Variants in ATP13A3 observed in about 807,000 individuals in gnomAD.
The protein encoded by ATP13A3 is polyamine-transporting ATPase 13A3.
ATP13A3 carries 59 observed loss-of-function variants against 158.1 expected under a neutral mutation model. The ratio of observed to expected loss-of-function variants is 0.37; its 90% CI spans 0.30 to 0.46. The LOEUF (loss-of-function observed/expected upper bound fraction) is 0.46, where lower values mean the gene tolerates loss of function less well. Ranked by LOEUF, ATP13A3 falls within the 20% of genes least tolerant of loss-of-function variation. The pLI is 1.00. For missense variants in ATP13A3, 1,166 were observed against 1,525.2 expected, an observed-to-expected ratio of 0.76 and a Z score of 3.92; for synonymous variants, 491 against 504.3, an observed-to-expected ratio of 0.97 and a Z score of 0.35.
intron 31 of ATP13A3, 68 bp downstream of exon 31, chr3:194,419,811 T>A: frequency 6.6e-7 from 1 of 1,515,482 alleles, no homozygotes; most frequent in Non-Finnish European, 8.7e-7. Flanking sequence ...AAAGAAGAGA[T>A]CCTGGAAAAA....
At chr3:194,444,168 G>C (rs533801328) in intron 15 of ATP13A3, among the ~76,000 whole-genome samples, 1 of 152,186 alleles carries the variant, frequency 6.6e-6, no homozygotes, top group East Asian at 1.9e-4. Context: ...CCATTTACAG[G>C]GATCTAGCTT....
chr3:194,455,196 A>T (rs1228722619), intron 8 of ATP13A3, among the ~76,000 whole-genome samples: 3 of 152,214 alleles, frequency 2.0e-5, no homozygotes, highest in Non-Finnish European at 4.4e-5. Flanking sequence ...GCTTTCTCTA[A>T]GATAATAACT....
chr3:194,463,241 A>G (rs1434111392), intron 2 of ATP13A3, among the ~76,000 whole-genome samples: 2 of 151,760 alleles, frequency 1.3e-5, no homozygotes, highest in Non-Finnish European at 2.9e-5. Flanking sequence ...GACTACCTAC[A>G]AAACTTGTCC....
chr3:194,442,299 T>C (rs1011999411), intron 15 of ATP13A3, among the ~76,000 whole-genome samples: 1 of 152,096 alleles, frequency 6.6e-6, no homozygotes, highest in African/African-American at 2.4e-5. Flanking sequence ...AAGACAGAAT[T>C]AGAATCCTAT....
intron 2 of ATP13A3, among the ~76,000 whole-genome samples, chr3:194,479,154 T>C (rs1352814746): frequency 6.6e-6 from 1 of 152,218 alleles, no homozygotes; most frequent in African/African-American, 2.4e-5. Context: ...GAGCTTATTC[T>C]ATTCTCTTCA....
At chr3:194,478,465 A>T (rs1720617795) in intron 2 of ATP13A3, among the ~76,000 whole-genome samples, 1 of 152,066 alleles carries the variant, frequency 6.6e-6, no homozygotes, top group Admixed American at 6.6e-5. Flanking sequence ...TTAGGGAGAA[A>T]ATAGAGAGAT....
Position 194,447,880 on chromosome 3 carries a change from T to C in ATP13A3, c.1280A>G (p.Tyr427Cys), listed in dbSNP as rs1718512733. 6.2e-7 allele frequency: 1 copy of C among 1,611,840 alleles called. No individual in the cohort carries two copies. The highest frequency in any genetic ancestry group is 1.3e-5 in the African/African-American group (1 of 74,828). Residue 427 changes from tyrosine to cysteine, a missense_variant, in exon 13 of 34, where the codon TAC becomes TGC. Tyr to Cys is a radical substitution (Grantham distance 194, BLOSUM62 -2). Transcript: ENST00000645319. ...LVAVAGIGFI[Y>C]TIINSILNEV... is the part of the protein sequence containing the mutation. ...ATTTAAAATGCTATTAATAATAGTGTAGATAAACCCAATGCCAGCAACTGC... is the reference window on the plus strand; with the variant it reads ...ATTTAAAATGCTATTAATAATAGTGCAGATAAACCCAATGCCAGCAACTGC...
At chr3:194,473,384 A>C (rs6765997) in intron 2 of ATP13A3, among the ~76,000 whole-genome samples, 1 of 151,818 alleles carries the variant, frequency 6.6e-6, no homozygotes, top group Admixed American at 6.6e-5. Context: ...TAAAGCAAGG[A>C]AGAGAACAAT....
At chr3:194,445,552 A>G (rs751683303) in intron 14 of ATP13A3, among the ~76,000 whole-genome samples, 21 of 152,240 alleles carry the variant, frequency 1.4e-4, no homozygotes, top group Non-Finnish European at 2.1e-4. Context: ...GGTAATGAGT[A>G]AATGAGTGTT....
At chr3:194,462,004 C>T (rs189237578) in intron 3 of ATP13A3, 136 bp downstream of exon 3, 2 of 765,556 alleles carry the variant, frequency 2.6e-6, no homozygotes, top group East Asian at 2.7e-5. Context: ...AATTCAAAAG[C>T]ACAGGATGAA....
upstream of ATP13A3, among the ~76,000 whole-genome samples, chr3:194,491,895 C>G (rs541923126): frequency 1.1e-4 from 16 of 152,168 alleles, no homozygotes; most frequent in African/African-American, 3.6e-4. Context: ...TGGCATGCCC[C>G]CTCATCTCTC....
chr3:194,488,931 A>G (rs974626587), upstream of ATP13A3, among the ~76,000 whole-genome samples: 4 of 152,246 alleles, frequency 2.6e-5, no homozygotes, highest in African/African-American at 9.6e-5. This position sits in a 1 kb window ranked among gnomAD's most constrained non-coding sequence, Gnocchi z 4.1. Flanking sequence ...ATTGCCTGCC[A>G]GGCAGCTCTA....
intron 33 of ATP13A3, among the ~76,000 whole-genome samples, chr3:194,409,693 ATTTTTTTTTTTTTT>A (rs71179358): frequency 3.2e-5 from 3 of 93,986 alleles, no homozygotes; most frequent in Admixed American, 1.1e-4. Flanking sequence ...GACGTAAAGA[ATTTTTTTTTTTTTT>A]TTTTTTTTTT....
chr3:194,458,925 C>T (rs754588430), intron 6 of ATP13A3: 1 of 152,238 alleles, frequency 6.6e-6, no homozygotes, highest in East Asian at 1.9e-4. Flanking sequence ...CACTCTAAAG[C>T]AACGATATTA....
At chr3:194,461,471 T>C (rs939430686) in intron 3 of ATP13A3, among the ~76,000 whole-genome samples, 5 of 152,204 alleles carry the variant, frequency 3.3e-5, no homozygotes, top group African/African-American at 7.2e-5. Context: ...TAATCTACTA[T>C]TTCCCAAATG....
intron 2 of ATP13A3, among the ~76,000 whole-genome samples, chr3:194,469,089 C>A (rs1455978820): frequency 6.6e-6 from 1 of 151,348 alleles, no homozygotes; most frequent in Non-Finnish European, 1.5e-5. Context: ...GCCAAGACTG[C>A]GCCACTGCAC....
Position 194,415,661 on chromosome 3 carries a change from C to CTTTTTTTTTT in ATP13A3, c.3403-1832_3403-1823dup, listed in dbSNP as rs751005733. The stretch of plus-strand genomic sequence containing the variant: ...GTGCAAGGATTTACAATACCACATT[C>CTTTTTTTTTT]TTTTTTTTTTTTTTTTTTTTTTTTT... On this transcript the variant is annotated intron_variant, in intron 31 of 33. Coordinates refer to ENST00000645319, the MANE Select transcript of ATP13A3 (RefSeq NM_001367549.1). 1.9e-4 allele frequency among the ~76,000 whole-genome samples: 17 copies of CTTTTTTTTTT among 90,926 alleles called. 1 individual carries two copies. The highest frequency in any genetic ancestry group is 8.1e-4 in the South Asian group (2 of 2,484). 59.7% of individuals were successfully genotyped at this position (90,926 alleles called of 152,430 possible). A position where few individuals can be genotyped will look rare whatever the true frequency, so the allele number is the denominator to read the frequency against.
intron 21 of ATP13A3, among the ~76,000 whole-genome samples, chr3:194,432,365 G>A (rs933621566): frequency 6.6e-6 from 1 of 152,116 alleles, no homozygotes; most frequent in Admixed American, 6.5e-5. Context: ...AGGTGTAAAC[G>A]AGAAACAAGA....
intron 2 of ATP13A3, among the ~76,000 whole-genome samples, chr3:194,485,228 T>C (rs1175549844): frequency 6.6e-6 from 1 of 152,178 alleles, no homozygotes; most frequent in Admixed American, 6.5e-5. Flanking sequence ...AAAAGTTATG[T>C]TCTACAACAA....
Sources: gnomAD v4.1 joint callset for allele counts (sites outside exome capture counted in the v4.1 genomes callset) on GRCh38, gnomAD v4.1.1 for gene constraint, Gnocchi (gnomAD v3.1) non-coding constraint, MANE v1.5 for transcripts, NCBI Gene and HGNC (gene_info 2026-07-23, HGNC 2026-07-21) for gene names.